The following DPP6 variants were observed in gnomAD, a reference collection of about 807,000 sequenced individuals.
The protein encoded by DPP6 is A-type potassium channel modulatory protein DPP6.
In DPP6, 69 loss-of-function variants were observed where a neutral mutation model predicts 122.6. The ratio of observed to expected loss-of-function variants is 0.56; its 90% confidence interval spans 0.46 to 0.69. The LOEUF is 0.69. DPP6 is among the 30% of genes least tolerant of loss of function. DPP6 has a pLI of 0.00. For missense variants in DPP6, 928 were observed against 1,116.9 expected, an observed-to-expected ratio of 0.83 and a Z score of 2.41; for synonymous variants, 418 against 433.1, an observed-to-expected ratio of 0.97 and a Z score of 0.43.
intron 1 of DPP6, among the ~76,000 whole-genome samples, chr7:154,324,461 C>A (rs956938324): frequency 6.6e-6 from 1 of 152,186 alleles, no homozygotes; most frequent in African/African-American, 2.4e-5. Context: ...AACCCAAAAC[C>A]TAGCCTCAGC....
At chr7:154,048,770 TAAG>T (rs1800146153), upstream of DPP6, among the ~76,000 whole-genome samples, 1 of 112,908 alleles carries the variant, frequency 8.9e-6, no homozygotes. Flanking sequence ...CTCTCAGAAA[TAAG>T]AAAACCTCTT....
chr7:154,120,703 A>C (rs1321300976), intron 1 of DPP6, among the ~76,000 whole-genome samples: 2 of 152,240 alleles, frequency 1.3e-5, no homozygotes, highest in African/African-American at 4.8e-5. Context: ...TAAACATGAA[A>C]ATACAGTTGA....
intron 1 of DPP6, among the ~76,000 whole-genome samples, chr7:153,965,482 G>T (rs944660162): frequency 1.8e-4 from 27 of 152,112 alleles, no homozygotes; most frequent in African/African-American, 6.5e-4. Flanking sequence ...TGTTGAAAAT[G>T]ACACCATTCT....
intron 1 of DPP6, among the ~76,000 whole-genome samples, chr7:154,141,022 G>A (rs1036877879): frequency 2.6e-5 from 4 of 152,122 alleles, no homozygotes; most frequent in Admixed American, 6.6e-5. Context: ...CTTGTCGACT[G>A]TCTTTGTGAG....
intron 1 of DPP6, among the ~76,000 whole-genome samples, chr7:154,275,394 C>T (rs1312978874): frequency 2.6e-5 from 4 of 152,140 alleles, no homozygotes; most frequent in African/African-American, 7.2e-5. Flanking sequence ...CATAACCCAA[C>T]ACCTTGGCCC....
intron 18 of DPP6, among the ~76,000 whole-genome samples, chr7:154,868,650 A>G (rs1804102961): frequency 6.6e-6 from 1 of 152,172 alleles, no homozygotes; most frequent in South Asian, 2.1e-4. Context: ...AGGCGTTGCT[A>G]AGCACTAAAC....
At chr7:154,776,952 G>A (rs1204043411) in intron 10 of DPP6, among the ~76,000 whole-genome samples, 1 of 152,182 alleles carries the variant, frequency 6.6e-6, no homozygotes, top group Admixed American at 6.5e-5. Context: ...CAAGAGGAAG[G>A]GAGAAAGCAG....
At chr7:154,834,624 A>G (rs1225022131) in intron 16 of DPP6, among the ~76,000 whole-genome samples, 1 of 152,228 alleles carries the variant, frequency 6.6e-6, no homozygotes, top group East Asian at 1.9e-4. Flanking sequence ...GAGAAGAGGG[A>G]GACTCGGAGA....
At chr7:154,532,087 T>C (rs539750282) in intron 3 of DPP6, among the ~76,000 whole-genome samples, 2 of 152,170 alleles carry the variant, frequency 1.3e-5, no homozygotes, top group East Asian at 3.9e-4. Context: ...TATTTAAAGG[T>C]TAGACTATAT....
At chr7:153,916,135 G>T (rs1334902937) in intron 1 of DPP6, among the ~76,000 whole-genome samples, 1 of 143,056 alleles carries the variant, frequency 7.0e-6, no homozygotes, top group Non-Finnish European at 1.5e-5. Flanking sequence ...CCTGGCTAAT[G>T]TTTTTTTTTT....
At chr7:154,207,860 C>T (rs1440401911) in intron 1 of DPP6, among the ~76,000 whole-genome samples, 2 of 151,734 alleles carry the variant, frequency 1.3e-5, no homozygotes, top group Non-Finnish European at 2.9e-5. Context: ...GAGGCTGAGG[C>T]AGGAGAATCA....
intron 1 of DPP6, among the ~76,000 whole-genome samples, chr7:154,187,191 C>T (rs1392009862): frequency 6.6e-6 from 1 of 152,190 alleles, no homozygotes; most frequent in Non-Finnish European, 1.5e-5. Flanking sequence ...ATTATTATAC[C>T]ACTAATTTGT....
chr7:154,575,442 G>GGTA lies in DPP6; in HGVS notation c.627+8526_627+8527insGTA, dbSNP rs1586663103. 0.032 allele frequency among the ~76,000 whole-genome samples: 3,320 copies of GGTA among 104,662 alleles called. 405 individuals are homozygous for GGTA. The East Asian group carries it at 0.42, about 13-fold the overall frequency. 68.7% of individuals were successfully genotyped at this position (104,662 alleles called of 152,430 possible). A position where few individuals can be genotyped will look rare whatever the true frequency, so the allele number is the denominator to read the frequency against. On this transcript the variant is annotated intron_variant, in intron 5 of 25. Transcript: ENST00000377770. ...TGTGTGTGTGGTGTGTATGTGTGTG[G>GGTA]TGTGTGTATGTGTGTGNGCGGGTGT...
the DPP6 span, among the ~76,000 whole-genome samples, chr7:153,818,496 C>T: frequency 6.6e-6 from 1 of 152,132 alleles, no homozygotes; most frequent in African/African-American, 2.4e-5. Flanking sequence ...TTATAGACTA[C>T]TACCCAGTGG....
chr7:154,545,489 TTCCTTCCA>T (rs1489172315), intron 4 of DPP6, among the ~76,000 whole-genome samples: 2 of 123,274 alleles, frequency 1.6e-5, no homozygotes, highest in South Asian at 3.3e-4. Context: ...CCTTCCTTCC[TTCCTTCCA>T]TCCTTCCTTC....
intron 1 of DPP6, among the ~76,000 whole-genome samples, chr7:154,097,125 T>A (rs151172086): frequency 0.25 from 37,288 of 151,250 alleles, 4,471 homozygotes; most frequent in Admixed American, 0.34. Flanking sequence ...AGCAGTCTCG[T>A]CAGTTTTTCC....
the DPP6 span, among the ~76,000 whole-genome samples, chr7:153,773,264 C>CATGTGTGTGTGTGT: frequency 7.5e-6 from 1 of 132,458 alleles, no homozygotes; most frequent in South Asian, 2.6e-4. Context: ...TCTTTTCTTT[C>CATGTGTGTGTGTGT]GTGTGTGTGT....
At chr7:153,803,480 T>C in the DPP6 span, among the ~76,000 whole-genome samples, 1 of 151,962 alleles carries the variant, frequency 6.6e-6, no homozygotes, top group Non-Finnish European at 1.5e-5. Context: ...TGAACGGGGA[T>C]GCTTCACCTC....
the DPP6 span, among the ~76,000 whole-genome samples, chr7:153,799,299 A>G: frequency 2.6e-5 from 4 of 152,202 alleles, no homozygotes. Context: ...TATATTTTTT[A>G]TGGAACTAGT....
Sources: allele counts gnomAD v4.1 joint callset (sites outside exome capture counted in the v4.1 genomes callset), GRCh38; gene constraint gnomAD v4.1.1; transcripts MANE v1.5; gene names NCBI Gene and HGNC (gene_info 2026-07-23, HGNC 2026-07-21).